Variants in ANKK1 observed in about 807,000 individuals in gnomAD.
ANKK1 encodes ankyrin repeat and protein kinase domain-containing protein 1.
In ANKK1, 37 loss-of-function variants were observed where a neutral mutation model predicts 37.6. That is an observed-to-expected ratio of 0.98 (90% CI 0.76 to 1.29). The LOEUF (loss-of-function observed/expected upper bound fraction) is 1.29, where lower values mean the gene tolerates loss of function less well. ANKK1 is among the 50% of genes most tolerant of loss of function. The pLI is 0.00. For synonymous variants in ANKK1, 415 were observed against 418.7 expected, an observed-to-expected ratio of 0.99 and a Z score of 0.11; for missense variants, 1,019 against 990.6, an observed-to-expected ratio of 1.03 and a Z score of -0.39.
intron 1 of ANKK1, among the ~76,000 whole-genome samples, chr11:113,389,815 G>T (rs757291813): frequency 5.3e-5 from 8 of 152,194 alleles, no homozygotes; most frequent in Admixed American, 2.0e-4. Flanking sequence ...AGTTGGGAGA[G>T]TAAAAGAGCA....
chr11:113,392,474 T>A (rs754898612), intron 1 of ANKK1, among the ~76,000 whole-genome samples: 1 of 152,242 alleles, frequency 6.6e-6, no homozygotes, highest in Non-Finnish European at 1.5e-5. Flanking sequence ...GCTCTCCAGC[T>A]GGCTTCCCAG....
intron 1 of ANKK1, among the ~76,000 whole-genome samples, chr11:113,390,105 G>A (rs1309227623): frequency 1.3e-5 from 2 of 152,130 alleles, no homozygotes; most frequent in Non-Finnish European, 2.9e-5. Context: ...GAGGAAGAGG[G>A]GTATTAAAGC....
At chr11:113,398,314 TAAAAA>T (rs10585601) in intron 7 of ANKK1, among the ~76,000 whole-genome samples, 1 of 128,186 alleles carries the variant, frequency 7.8e-6, no homozygotes, top group Non-Finnish European at 1.6e-5. Context: ...CTCGGGAAAT[TAAAAA>T]AAAAAAAAAA....
intron 1 of ANKK1, among the ~76,000 whole-genome samples, chr11:113,391,928 GAA>G (rs1284012490): frequency 6.6e-6 from 1 of 152,110 alleles, no homozygotes; most frequent in Non-Finnish European, 1.5e-5. Context: ...GAAGTTTCAA[GAA>G]AAAGAGTCAG....
At chr11:113,393,815 G>A (rs1193581425) in intron 2 of ANKK1, 40 bp downstream of exon 2, 1 of 1,550,382 alleles carries the variant, frequency 6.5e-7, no homozygotes, top group Non-Finnish European at 8.7e-7. Context: ...TTTCACTTGA[G>A]GGTTGCCTCC....
intron 2 of ANKK1, 142 bp downstream of exon 2, chr11:113,393,917 T>C: frequency 1.9e-6 from 2 of 1,079,922 alleles, no homozygotes; most frequent in Non-Finnish European, 2.6e-6. Context: ...GGGATCACAC[T>C]GCAATAGAGA....
chr11:113,399,656 C>T lies in ANKK1; in HGVS notation c.1687C>T (p.Pro563Ser). The stretch of plus-strand genomic sequence containing the variant: ...TGCCCTTGACCAGAGCGGCTACGGC[C>T]CACTGCACACTGCAGCTGCCAGGGG... ...PDALDQSGYG[P>S]LHTAAARGKY... Residue 563 changes from proline to serine, a missense_variant, in exon 8 of 8, where the codon CCA (proline) becomes TCA (serine). By Grantham distance (74) the Pro-to-Ser change is moderately conservative (BLOSUM62 -1). Transcript: ENST00000303941. 6.2e-7 allele frequency: 1 copy of T among 1,601,842 alleles called. No individual in the cohort carries two copies. The highest frequency in any genetic ancestry group is 8.5e-7 in the Non-Finnish European group (1 of 1,174,448).
rs1950607973 is a variant in ANKK1, at chr11:113,393,619, G to T, written c.324G>T (p.Lys108Asn). The T allele has an allele frequency of 6.2e-7, 1 of 1,613,832 alleles. No homozygotes were observed. The highest frequency in any genetic ancestry group is 8.5e-7 in the Non-Finnish European group (1 of 1,179,878). The stretch of plus-strand genomic sequence containing the variant: ...TTATGGCCAACGGCTCCCTGGAGAA[G>T]GTGCTGTCCACCCACAGCCTCTGCT... ...MEFMANGSLE[K>N]VLSTHSLCWK... The change falls in exon 2 of 8, where the codon AAG (lysine) becomes AAT (asparagine). Residue 108 changes from lysine to asparagine, a missense_variant. Transcript: ENST00000303941.
Position 113,391,154 on chromosome 11 carries a change from G to A in ANKK1, c.186-2327G>A, listed in dbSNP as rs551638193. Among the ~76,000 whole-genome samples the A allele has an allele frequency of 2.0e-5, 3 of 152,340 alleles. 1 individual carries two copies. The South Asian group carries it at 6.2e-4, about 32-fold the overall frequency. Reference sequence around the variant, plus strand: ...GTTAGGGAGGAGTGTTCTAGGCAGAGAGAACAACAGGTGCAAAGGTCCTGA... The same window carrying A: ...GTTAGGGAGGAGTGTTCTAGGCAGAAAGAACAACAGGTGCAAAGGTCCTGA... On this transcript the variant is annotated intron_variant, in intron 1 of 7. Coordinates refer to ENST00000303941, the MANE Select transcript of ANKK1 (RefSeq NM_178510.2).
intron 5 of ANKK1, among the ~76,000 whole-genome samples, chr11:113,396,890 C>A (rs1950643163): frequency 1.3e-5 from 2 of 152,316 alleles, no homozygotes; most frequent in Non-Finnish European, 2.9e-5. Flanking sequence ...TGTTTCCAGG[C>A]CATGAGATCA....
At position 113,399,985 on chromosome 11, in the gene ANKK1, C is replaced by T. The variant is rs564355960; in HGVS notation, c.2016C>T (p.Phe672=). The T allele has an allele frequency of 1.0e-4, 161 of 1,613,616 alleles. 1 individual carries two copies. The South Asian group carries it at 1.6e-3, about 16-fold the overall frequency. The change falls in exon 8 of 8, where the codon TTC becomes TTT. Residue 672 remains phenylalanine (F), a synonymous_variant. Transcript: ENST00000303941. ...PLHLAVQRST[F]LSVINLLEHH... ...ACCTGGCGGTCCAGAGGAGCACCTT[C>T]CTGAGTGTCATCAACCTCCTAGAAC...
rs760177292 is a variant in ANKK1 at position 113,395,099 on chromosome 11, G to A, written c.632+19G>A. On this transcript the variant is annotated intron_variant, in intron 3 of 7. Transcript: ENST00000303941. ...TGTACAGGTGAGAAGGAGGCCTGGC[G>A]TGATGCCACACACCCAGCAGGCAGT... 55 of 1,583,246 alleles carry A rather than the reference G, an allele frequency of 3.5e-5. No individual in the cohort carries two copies. The highest frequency in any genetic ancestry group is 1.1e-4 in the East Asian group (5 of 44,206).
chr11:113,388,141 T>G, intron 1 of ANKK1, 72 bp downstream of exon 1: 1 of 1,419,842 alleles, frequency 7.0e-7, no homozygotes, highest in Admixed American at 2.8e-5. Flanking sequence ...CCCAGGGAGC[T>G]TGCGAGGAAG....
chr11:113,388,718 G>A (rs945828493), intron 1 of ANKK1, among the ~76,000 whole-genome samples: 8 of 152,168 alleles, frequency 5.3e-5, no homozygotes, highest in Non-Finnish European at 1.0e-4. Context: ...GCCTTGACAT[G>A]CCCCTATTTT....
Position 113,394,990 on chromosome 11 carries a change from G to A in ANKK1, c.542G>A (p.Arg181Lys), listed in dbSNP as rs769225984. The A allele has an allele frequency of 9.9e-6, 16 of 1,613,570 alleles. No homozygotes were observed. The highest frequency in any genetic ancestry group is 1.3e-5 in the African/African-American group (1 of 74,926). Residue 181 changes from arginine to lysine, a missense_variant, in exon 3 of 8, where the codon AGG becomes AAG. Arg to Lys is a conservative substitution (Grantham distance 26). Coordinates refer to ENST00000303941, the MANE Select transcript of ANKK1 (RefSeq NM_178510.2). ...TCCACCCGGATGCAGTACATCGAGA[G>A]GTCGGCTCTGCGGGGCATGCTCAGC... is the stretch of plus-strand genomic sequence containing the variant. The part of the protein sequence containing the change: ...EQSTRMQYIE[R>K]SALRGMLSYI...
chr11:113,388,859 C>G (rs564538160), intron 1 of ANKK1, among the ~76,000 whole-genome samples: 1 of 152,312 alleles, frequency 6.6e-6, no homozygotes, highest in East Asian at 1.9e-4. Context: ...AGAAGACACT[C>G]GGGATGTTAA....
Position 113,395,400 on chromosome 11 carries a change from C to A in ANKK1, c.674C>A (p.Pro225Gln), listed in dbSNP as rs1448240533. ...VIWELLTQKK[P>Q]YSGFNMMMII... is the part of the protein sequence containing the mutation. ...TGGGAGCTACTCACTCAGAAGAAAC[C>A]ATACTCAGGTAAGCAGGCGGCTGTG... The change falls in exon 4 of 8, where the codon CCA becomes CAA. Residue 225 changes from proline to glutamine, a missense_variant. Physicochemically the swap from Pro to Gln is moderately conservative, Grantham distance 76. Transcript: ENST00000303941. The A allele has an allele frequency of 1.2e-6, 2 of 1,613,758 alleles. No individual in the cohort carries two copies. The highest frequency in any genetic ancestry group is 1.7e-6 in the Non-Finnish European group (2 of 1,179,872).
At position 113,397,590 on chromosome 11, in the gene ANKK1, T is replaced by C. The variant is rs116747150; in HGVS notation, c.957+248T>C. ...TTTGGGACCAAACTGACTCCTGTCC[T>C]GCAGAGGAAGGCCCGGCTCTCCCAA... On this transcript the variant is annotated intron_variant, in intron 6 of 7. Coordinates refer to ENST00000303941, the MANE Select transcript of ANKK1 (RefSeq NM_178510.2). Among the ~76,000 whole-genome samples, 578 of 152,340 alleles carry C rather than the reference T, an allele frequency of 3.8e-3. 2 individuals are homozygous for C. The highest frequency in any genetic ancestry group is 0.013 in the African/African-American group (557 of 41,598).
chr11:113,393,378 T>G, intron 1 of ANKK1, 103 bp from the exon 2 acceptor site: 1 of 1,292,472 alleles, frequency 7.7e-7, no homozygotes, highest in Middle Eastern at 1.9e-4. Context: ...GAGGCTTCTG[T>G]GGGTCCCCAC....
Sources: allele counts gnomAD v4.1 joint callset (sites outside exome capture counted in the v4.1 genomes callset), GRCh38; gene constraint gnomAD v4.1.1; transcripts MANE v1.5; gene names NCBI Gene and HGNC (gene_info 2026-07-23, HGNC 2026-07-21).